PLA2G7: variants seen among roughly 807,000 people sequenced by gnomAD.
PLA2G7 encodes the protein phospholipase A2 group VII.
In PLA2G7, 63 loss-of-function variants were observed where a neutral mutation model predicts 49.6. The ratio of observed to expected loss-of-function variants is 1.27; its 90% CI spans 1.04 to 1.57. The LOEUF is 1.57. Ranked by LOEUF, PLA2G7 falls within the 40% of genes most tolerant of loss-of-function variation. The pLI, the probability that PLA2G7 is intolerant of heterozygous loss-of-function variation, is 0.00. For missense variants in PLA2G7, 596 were observed against 521.2 expected (o/e 1.14, Z -1.40); for synonymous variants, 193 against 169.9 (o/e 1.14, Z -1.06).
chr6:46,719,780 A>G (rs1210196095), intron 2 of PLA2G7, among the ~76,000 whole-genome samples: 2 of 152,222 alleles, frequency 1.3e-5, no homozygotes, highest in African/African-American at 4.8e-5. Context: ...AAAACATGAC[A>G]CATAAGGGGT....
chr6:46,734,336 G>A (rs1310162722), intron 1 of PLA2G7, among the ~76,000 whole-genome samples: 2 of 151,358 alleles, frequency 1.3e-5, no homozygotes, highest in Non-Finnish European at 2.9e-5. Context: ...GAGAGAGGGA[G>A]AAGGGTGTGT....
At chr6:46,733,644 C>A (rs530335110) in intron 1 of PLA2G7, among the ~76,000 whole-genome samples, 3 of 152,214 alleles carry the variant, frequency 2.0e-5, no homozygotes, top group African/African-American at 7.2e-5. Flanking sequence ...CAAGGTGGTG[C>A]GCTGTCTCAC....
intron 1 of PLA2G7, among the ~76,000 whole-genome samples, chr6:46,734,472 GA>G (rs1765847376): frequency 1.6e-5 from 2 of 125,796 alleles, no homozygotes; most frequent in Non-Finnish European, 3.3e-5. Flanking sequence ...GAGAGAGAGA[GA>G]GAGAGAGAGA....
At chr6:46,735,115 G>C (rs1765881713) in intron 1 of PLA2G7, 65 bp downstream of exon 1, 1 of 142,294 alleles carries the variant, frequency 7.0e-6, no homozygotes, top group Non-Finnish European at 1.5e-5. Flanking sequence ...CCGGGGTCCC[G>C]ACCTCCAGCG....
intron 8 of PLA2G7, 144 bp from the exon 9 acceptor site, chr6:46,709,562 C>T: frequency 3.1e-6 from 2 of 640,812 alleles, no homozygotes; most frequent in Non-Finnish European, 5.6e-6. Context: ...TACACACATA[C>T]ATTTATACAT....
intron 10 of PLA2G7, among the ~76,000 whole-genome samples, chr6:46,707,067 TATCTC>T (rs1169180218): frequency 6.6e-6 from 1 of 152,184 alleles, no homozygotes; most frequent in Non-Finnish European, 1.5e-5. Context: ...TGCTTTGTAA[TATCTC>T]ATCGAGAGTT....
chr6:46,704,259 GTT>G lies in PLA2G7; in HGVS notation c.*299_*300del, dbSNP rs559433848. 466 of 309,416 alleles carry G rather than the reference GTT, an allele frequency of 1.5e-3. 2 individuals are homozygous for G. Among genetic ancestry groups the G allele is most frequent in the African/African-American group, 9.3e-3 (432 of 46,648 alleles). 19.2% of individuals were successfully genotyped at this position (309,416 alleles called of 1,614,324 possible). A position where few individuals can be genotyped will look rare whatever the true frequency, so the allele number is the denominator to read the frequency against. ...TGTCTGTCAAAGTAATGTAAAAACAGTTTTTAACTTCGACACTGAAAAGGAAT... is the reference window on the plus strand; with the variant it reads ...TGTCTGTCAAAGTAATGTAAAAACAGTTTAACTTCGACACTGAAAAGGAAT... On this transcript the variant is annotated 3_prime_UTR_variant, in exon 12 of 12. Coordinates refer to ENST00000274793, the MANE Select transcript of PLA2G7 (RefSeq NM_005084.4).
chr6:46,713,297 G>A (rs1160833245), intron 5 of PLA2G7, among the ~76,000 whole-genome samples: 3 of 152,132 alleles, frequency 2.0e-5, no homozygotes, highest in Non-Finnish European at 4.4e-5. Context: ...TTTTCAAGAG[G>A]GGGGAATGAT....
At chr6:46,712,464 C>G in intron 5 of PLA2G7, 127 bp from the exon 6 acceptor site, 1 of 704,912 alleles carries the variant, frequency 1.4e-6, no homozygotes, top group Non-Finnish European at 2.6e-6. Flanking sequence ...GAGTGGAGAG[C>G]TACGGTTCTT....
At chr6:46,709,258 AT>A in intron 9 of PLA2G7, 68 bp downstream of exon 9, 1 of 939,224 alleles carries the variant, frequency 1.1e-6, no homozygotes, top group South Asian at 1.3e-5. Context: ...TGAATAAAAA[AT>A]TATATCTCAC....
intron 1 of PLA2G7, among the ~76,000 whole-genome samples, chr6:46,728,847 T>C (rs879472889): frequency 6.6e-6 from 1 of 152,214 alleles, no homozygotes; most frequent in South Asian, 2.1e-4. Flanking sequence ...AAAACTTACC[T>C]GTATCAGAGT....
intron 1 of PLA2G7, among the ~76,000 whole-genome samples, chr6:46,726,402 T>C (rs1323805242): frequency 6.6e-6 from 1 of 152,218 alleles, no homozygotes; most frequent in Non-Finnish European, 1.5e-5. Flanking sequence ...AAGAAGTCTT[T>C]TAACTTTTAA....
rs2150693764 is a variant in PLA2G7, at chr6:46,709,410, A to G, written c.786T>C (p.Ile262=). 1 of 1,572,324 alleles carries G rather than the reference A, an allele frequency of 6.4e-7. No individual in the cohort carries two copies. Among genetic ancestry groups the G allele is most frequent in the Non-Finnish European group, 8.8e-7 (1 of 1,142,496 alleles). The change falls in exon 9 of 12, where the codon ATT becomes ATC. Residue 262 remains isoleucine, a synonymous_variant. Transcript: ENST00000274793. ...CAATTACTGCTATTTTTTCCCTATC[A>G]ATAGAGTCCTATTTGAAAAAGCATG... The part of the protein sequence containing the change: ...KFDMEQLKDS[I]DREKIAVIGH...
intron 1 of PLA2G7, 143 bp from the exon 2 acceptor site, chr6:46,723,068 C>T: frequency 1.6e-6 from 1 of 611,098 alleles, no homozygotes; most frequent in Non-Finnish European, 2.9e-6. Context: ...TAGATTGGTA[C>T]TACAATGGTA....
At chr6:46,711,963 C>G (rs1274295871) in intron 6 of PLA2G7, among the ~76,000 whole-genome samples, 3 of 152,126 alleles carry the variant, frequency 2.0e-5, no homozygotes, top group Admixed American at 2.0e-4. Context: ...CTCTATATTC[C>G]TCTTCCTTAA....
At chr6:46,726,795 T>C (rs575841030) in intron 1 of PLA2G7, among the ~76,000 whole-genome samples, 160 of 152,000 alleles carry the variant, frequency 1.1e-3, no homozygotes, top group Non-Finnish European at 1.8e-3. Flanking sequence ...GCACCCACCA[T>C]AATGCCTGGC....
intron 2 of PLA2G7, among the ~76,000 whole-genome samples, chr6:46,719,667 C>T (rs1765330772): frequency 6.6e-6 from 1 of 152,176 alleles, no homozygotes; most frequent in Non-Finnish European, 1.5e-5. Context: ...GGCCTAGTTG[C>T]TCCCCTCTCT....
intron 5 of PLA2G7, among the ~76,000 whole-genome samples, chr6:46,713,139 T>C (rs972915052): frequency 6.6e-6 from 1 of 152,196 alleles, no homozygotes; most frequent in Non-Finnish European, 1.5e-5. Context: ...AGTTGAAAAA[T>C]CATGTGCTAA....
chr6:46,709,013 ATAT>A (rs1764920204), intron 9 of PLA2G7, among the ~76,000 whole-genome samples: 1 of 152,212 alleles, frequency 6.6e-6, no homozygotes, highest in Non-Finnish European at 1.5e-5. Context: ...TAAGATGACA[ATAT>A]TATTATCACA....
Sources: allele counts gnomAD v4.1 joint callset (sites outside exome capture counted in the v4.1 genomes callset), GRCh38; gene constraint gnomAD v4.1.1; transcripts MANE v1.5; gene names NCBI Gene and HGNC (gene_info 2026-07-23, HGNC 2026-07-21).